AFF3: variants seen among roughly 807,000 people sequenced by gnomAD.
AFF3 encodes ALF transcription elongation factor 3.
In AFF3, 32 loss-of-function variants were observed where a neutral mutation model predicts 129.7. That is an observed-to-expected ratio of 0.25 (90% CI 0.19 to 0.33). The LOEUF (loss-of-function observed/expected upper bound fraction) is 0.33, where lower values mean the gene tolerates loss of function less well. Among genes scored for constraint, AFF3 ranks in the 10% least tolerant of loss-of-function variants. The pLI is 1.00. For synonymous variants in AFF3, 644 were observed against 635.4 expected (o/e 1.01, Z -0.20); for missense variants, 1,373 against 1,592.0 (o/e 0.86, Z 2.34).
chr2:99,670,609 G>GA (rs1687070856), intron 12 of AFF3, among the ~76,000 whole-genome samples: 1 of 151,790 alleles, frequency 6.6e-6, no homozygotes, highest in Non-Finnish European at 1.5e-5. Context: ...GTCTTGAAGA[G>GA]AAAAAAATAC....
chr2:99,656,745 C>A (rs1056341618), intron 12 of AFF3, among the ~76,000 whole-genome samples: 4 of 152,034 alleles, frequency 2.6e-5, no homozygotes, highest in Non-Finnish European at 4.4e-5. Context: ...TTTTTCAACC[C>A]GTTTAGTAAT....
chr2:100,008,693 G>T, intron 5 of AFF3, 119 bp downstream of exon 5: 2 of 1,282,416 alleles, frequency 1.6e-6, no homozygotes, highest in Non-Finnish European at 2.1e-6. Context: ...TCTTCCCTGG[G>T]CTGAACAGAC....
chr2:99,989,482 C>T (rs910061441), intron 7 of AFF3, among the ~76,000 whole-genome samples: 5 of 152,108 alleles, frequency 3.3e-5, no homozygotes, highest in Admixed American at 6.5e-5. Context: ...GGGCTGAGCC[C>T]GACAATGGTT....
chr2:99,769,033 A>G (rs1012430256), intron 8 of AFF3, among the ~76,000 whole-genome samples: 2 of 152,034 alleles, frequency 1.3e-5, no homozygotes, highest in African/African-American at 4.8e-5. Flanking sequence ...GGATATTGAT[A>G]CCTTTCTCTA....
At chr2:99,691,117 C>A (rs1366275366) in intron 11 of AFF3, among the ~76,000 whole-genome samples, 1 of 152,108 alleles carries the variant, frequency 6.6e-6, no homozygotes, top group African/African-American at 2.4e-5. Context: ...CCTCTTCTCC[C>A]TCACCAAAAT....
rs1683227045 is a variant in AFF3 at position 100,017,445 on chromosome 2, ACTT to A, written c.54-8516_54-8514del. 7.9e-5 allele frequency among the ~76,000 whole-genome samples: 12 copies of A among 152,256 alleles called. No homozygotes were observed. The South Asian group carries it at 2.5e-3, about 32-fold the overall frequency. ...TTTCTGGGAGCATTTCTAGATCTCT[ACTT>A]TAGCTATGCTGACCTGTTCTACCAG... On this transcript the variant is annotated intron_variant, in intron 4 of 24. Coordinates refer to ENST00000672756, the MANE Select transcript of AFF3 (RefSeq NM_001386135.1).
At chr2:99,866,281 AT>A (rs1691392052) in intron 7 of AFF3, among the ~76,000 whole-genome samples, 1 of 152,230 alleles carries the variant, frequency 6.6e-6, no homozygotes, top group African/African-American at 2.4e-5. Context: ...CAAAGCCAAC[AT>A]TGGCAAATTT....
intron 15 of AFF3, among the ~76,000 whole-genome samples, chr2:99,590,362 C>T (rs1678546940): frequency 6.6e-6 from 1 of 152,228 alleles, no homozygotes; most frequent in Non-Finnish European, 1.5e-5. Context: ...TGAGTCAAAG[C>T]TCCATATGCC....
chr2:99,601,642 C>CG (rs746994547), intron 13 of AFF3, 21 bp from the exon 14 acceptor site: 5 of 1,582,582 alleles, frequency 3.2e-6, no homozygotes, highest in South Asian at 2.3e-5. Flanking sequence ...GCGAGGCCCC[C>CG]GGGAAGCAGA....
intron 8 of AFF3, among the ~76,000 whole-genome samples, chr2:99,774,698 C>G (rs1240850169): frequency 6.6e-6 from 1 of 152,094 alleles, no homozygotes; most frequent in African/African-American, 2.4e-5. Flanking sequence ...AATTTCATGA[C>G]AAAGATGCCA....
intron 7 of AFF3, among the ~76,000 whole-genome samples, chr2:99,856,912 G>A (rs1220674620): frequency 1.3e-5 from 2 of 151,996 alleles, no homozygotes; most frequent in East Asian, 1.9e-4. Flanking sequence ...CTGACATGGG[G>A]CATATAGGAG....
chr2:99,727,477 T>C (rs1397168009), intron 10 of AFF3, among the ~76,000 whole-genome samples: 1 of 152,130 alleles, frequency 6.6e-6, no homozygotes, highest in African/African-American at 2.4e-5. Flanking sequence ...TGGCATTCTA[T>C]ATCCAAGGCA....
At chr2:99,786,347 G>A (rs77625789) in intron 8 of AFF3, among the ~76,000 whole-genome samples, 4,666 of 152,202 alleles carry the variant, frequency 0.031, 91 homozygotes, top group Non-Finnish European at 0.042. Context: ...CCATCAGTCC[G>A]CACACACTAG....
intron 7 of AFF3, among the ~76,000 whole-genome samples, chr2:99,945,622 G>A (rs1242640236): frequency 6.6e-6 from 1 of 152,050 alleles, no homozygotes; most frequent in African/African-American, 2.4e-5. Flanking sequence ...ACTCTCCATC[G>A]GCCTCACCCT....
intron 1 of AFF3, among the ~76,000 whole-genome samples, chr2:100,139,274 G>C (rs530175633): frequency 2.6e-5 from 4 of 152,156 alleles, no homozygotes; most frequent in Non-Finnish European, 5.9e-5. Context: ...CTGCCACAAA[G>C]CATTTTACTA....
At chr2:100,021,547 G>A (rs1266382567) in intron 4 of AFF3, among the ~76,000 whole-genome samples, 1 of 152,216 alleles carries the variant, frequency 6.6e-6, no homozygotes, top group African/African-American at 2.4e-5. Context: ...TAGTAATAGT[G>A]GGAATCATAA....
intron 8 of AFF3, among the ~76,000 whole-genome samples, chr2:99,780,558 C>T (rs1416750384): frequency 1.3e-5 from 2 of 152,214 alleles, no homozygotes; most frequent in Non-Finnish European, 2.9e-5. Flanking sequence ...ACTTGTGCAT[C>T]TAACTGCTTC....
chr2:99,869,073 AGG>A (rs1691659131), intron 7 of AFF3, among the ~76,000 whole-genome samples: 1 of 152,102 alleles, frequency 6.6e-6, no homozygotes, highest in South Asian at 2.1e-4. Context: ...CTAGGATTAC[AGG>A]TGTGAGCCAC....
At chr2:99,991,748 C>T (rs925526614) in intron 7 of AFF3, among the ~76,000 whole-genome samples, 9 of 151,928 alleles carry the variant, frequency 5.9e-5, no homozygotes, top group Non-Finnish European at 1.5e-5. Flanking sequence ...ACTAAAAATA[C>T]AAAAATTAGC....
Sources: allele counts gnomAD v4.1 joint callset (sites outside exome capture counted in the v4.1 genomes callset), GRCh38; gene constraint gnomAD v4.1.1; transcripts MANE v1.5; gene names NCBI Gene and HGNC (gene_info 2026-07-23, HGNC 2026-07-21).